SLC28A1: variants seen among roughly 807,000 people sequenced by gnomAD.
The protein encoded by SLC28A1 is sodium/nucleoside cotransporter 1.
Under a neutral mutation model 74.8 loss-of-function variants are expected in SLC28A1, and 64 were observed. That is an observed-to-expected ratio of 0.86 (90% confidence interval 0.70 to 1.05). The LOEUF (loss-of-function observed/expected upper bound fraction) is 1.05, where lower values mean the gene tolerates loss of function less well. SLC28A1 is among the 50% of genes least tolerant of loss of function. SLC28A1 has a pLI of 0.00. For synonymous variants in SLC28A1, 359 were observed against 335.0 expected, an observed-to-expected ratio of 1.07 and a Z score of -0.78; for missense variants, 828 against 822.8, an observed-to-expected ratio of 1.01 and a Z score of -0.08.
the SLC28A1 span, among the ~76,000 whole-genome samples, chr15:84,951,115 C>T: frequency 6.6e-6 from 1 of 152,236 alleles, no homozygotes; most frequent in African/African-American, 2.4e-5. Flanking sequence ...AAGCTTGGAC[C>T]ATGAAGACAA....
In SLC28A1 at chr15:84,904,224, A is replaced by G. The variant is rs750495385; in HGVS notation, c.589A>G (p.Lys197Glu). The change falls in exon 7 of 19, where the codon AAG (lysine) becomes GAG (glutamate). Residue 197 changes from lysine (K) to glutamate (E), a missense_variant. Physicochemically the swap from Lys to Glu is moderately conservative, Grantham distance 56 (BLOSUM62 1). Coordinates refer to ENST00000394573, the MANE Select transcript of SLC28A1 (RefSeq NM_004213.5). ...CGTCGCTCTCCTCTTTGCCTGCTCA[A>G]AGCATCATTGCGCAGTGAGTGCTAG... ...VFVALLFACS[K>E]HHCAVSWRAV... is the part of the protein sequence containing the mutation. 1 of 1,613,988 alleles carries G rather than the reference A, an allele frequency of 6.2e-7. No homozygotes were observed. The highest frequency in any genetic ancestry group is 1.1e-5 in the South Asian group (1 of 91,084).
At chr15:84,959,118 A>G in the SLC28A1 span, among the ~76,000 whole-genome samples, 1 of 148,756 alleles carries the variant, frequency 6.7e-6, no homozygotes, top group Non-Finnish European at 1.5e-5. Flanking sequence ...AAAAAAAAAA[A>G]AAAGAGATGA....
chr15:84,943,893 G>C (rs1342140429), intron 16 of SLC28A1, among the ~76,000 whole-genome samples: 1 of 151,454 alleles, frequency 6.6e-6, no homozygotes, highest in Non-Finnish European at 1.5e-5. Flanking sequence ...TACAGAGCGA[G>C]ACTCTGTCTC....
At chr15:84,885,898 G>A (rs979540390) in intron 1 of SLC28A1, among the ~76,000 whole-genome samples, 6 of 152,120 alleles carry the variant, frequency 3.9e-5, no homozygotes, top group Non-Finnish European at 8.8e-5. Flanking sequence ...GACAGATGAA[G>A]AAAAAATGTT....
rs8187779 is a variant in SLC28A1, at chr15:84,935,342, C to A, written c.1405C>A (p.Arg469=). The change falls in exon 15 of 19, where the codon CGG becomes AGG. Residue 469 remains arginine, a synonymous_variant. Transcript: ENST00000394573. Reference sequence around the variant, plus strand: ...TCAGCTCATCTGCTCCTACATCCTGCGGCCTGTAGCCTTCTTGATGGGTGT... The same window carrying A: ...TCAGCTCATCTGCTCCTACATCCTGAGGCCTGTAGCCTTCTTGATGGGTGT... ...SFQLICSYIL[R]PVAFLMGVAW... is the part of the protein sequence containing the mutation. 2,109 of 1,614,182 alleles carry A rather than the reference C, an allele frequency of 1.3e-3. 21 individuals carry two copies. The African/African-American group carries it at 0.019, about 14-fold the overall frequency.
chr15:84,901,550 G>T (rs1278613806), intron 6 of SLC28A1, among the ~76,000 whole-genome samples: 1 of 151,804 alleles, frequency 6.6e-6, no homozygotes, highest in Non-Finnish European at 1.5e-5. Flanking sequence ...AACAAAAAAA[G>T]GCTCAAGATA....
intron 6 of SLC28A1, among the ~76,000 whole-genome samples, chr15:84,902,145 T>C (rs1464784960): frequency 6.6e-6 from 1 of 152,186 alleles, no homozygotes; most frequent in Non-Finnish European, 1.5e-5. Flanking sequence ...TTATATAAAC[T>C]TCTTTCTTTT....
At chr15:84,917,675 C>T (rs972267020) in intron 9 of SLC28A1, among the ~76,000 whole-genome samples, 1 of 152,192 alleles carries the variant, frequency 6.6e-6, no homozygotes, top group African/African-American at 2.4e-5. Flanking sequence ...AATCAGTCCA[C>T]AGCTGCCCAT....
chr15:84,967,472 C>A, the SLC28A1 span, among the ~76,000 whole-genome samples: 1 of 152,210 alleles, frequency 6.6e-6, no homozygotes, highest in Non-Finnish European at 1.5e-5. Context: ...CATGCTCTGA[C>A]CCTCCCCTCC....
At chr15:84,911,294 A>G (rs1968172928) in intron 9 of SLC28A1, among the ~76,000 whole-genome samples, 1 of 152,170 alleles carries the variant, frequency 6.6e-6, no homozygotes, top group Non-Finnish European at 1.5e-5. Context: ...ACCCTTTAGA[A>G]TCATGGATTC....
chr15:84,945,434 C>T lies in SLC28A1; in HGVS notation c.*234C>T. On this transcript the variant is annotated 3_prime_UTR_variant, in exon 19 of 19. Coordinates refer to ENST00000394573, the MANE Select transcript of SLC28A1 (RefSeq NM_004213.5). The stretch of plus-strand genomic sequence containing the variant: ...CCTGCTCCCCCATTTCCTAACTCCC[C>T]CAGTGTGAATTCTCAGGGTCACTTC... The T allele has an allele frequency of 3.6e-6, 2 of 556,336 alleles. No individual in the cohort carries two copies. The highest frequency in any genetic ancestry group is 1.9e-5 in the African/African-American group (1 of 53,100). 34.5% of individuals were successfully genotyped at this position (556,336 alleles called of 1,614,324 possible).
chr15:84,900,248 T>A (rs922338809), intron 6 of SLC28A1, among the ~76,000 whole-genome samples: 2 of 141,036 alleles, frequency 1.4e-5, no homozygotes, highest in African/African-American at 5.0e-5. Flanking sequence ...AAGAATTGCT[T>A]GAACCTGGGA....
At chr15:84,938,747 C>T (rs1289602374) in intron 15 of SLC28A1, among the ~76,000 whole-genome samples, 1 of 146,916 alleles carries the variant, frequency 6.8e-6, no homozygotes, top group Admixed American at 6.7e-5. Context: ...ATGAAGAAAA[C>T]AACAAGAAAA....
At chr15:84,939,383 A>G (rs982248714) in intron 15 of SLC28A1, among the ~76,000 whole-genome samples, 2 of 144,654 alleles carry the variant, frequency 1.4e-5, no homozygotes, top group Non-Finnish European at 1.6e-5. Context: ...GGAGGGAGGG[A>G]AAAAGACAGC....
chr15:84,928,268 A>C (rs1459061720), intron 12 of SLC28A1, among the ~76,000 whole-genome samples: 1 of 152,032 alleles, frequency 6.6e-6, no homozygotes, highest in African/African-American at 2.4e-5. Flanking sequence ...CCCAGACTAC[A>C]ACTATAGCTG....
the SLC28A1 span, among the ~76,000 whole-genome samples, chr15:84,953,077 C>G: frequency 2.0e-5 from 3 of 152,336 alleles, no homozygotes; most frequent in East Asian, 5.8e-4. Context: ...TCAAAGCATA[C>G]AGCTTTCAAG....
the SLC28A1 span, among the ~76,000 whole-genome samples, chr15:84,962,539 G>T: frequency 6.6e-6 from 1 of 152,132 alleles, no homozygotes; most frequent in Non-Finnish European, 1.5e-5. Context: ...CTGGGCTCGG[G>T]TGATCCTTCC....
intron 5 of SLC28A1, among the ~76,000 whole-genome samples, chr15:84,891,281 T>C (rs73437991): frequency 0.018 from 2,771 of 152,042 alleles, 95 homozygotes; most frequent in African/African-American, 0.065. Context: ...GAGAGGTCCT[T>C]GGGAAGCAAT....
At chr15:84,946,102 A>ATTTT (rs2079208773), downstream of SLC28A1, among the ~76,000 whole-genome samples, 1 of 13,646 alleles carries the variant, frequency 7.3e-5, no homozygotes, top group African/African-American at 2.4e-4. Context: ...ATATATATAT[A>ATTTT]TATATATATA....
Sources: allele counts gnomAD v4.1 joint callset (sites outside exome capture counted in the v4.1 genomes callset), GRCh38; gene constraint gnomAD v4.1.1; transcripts MANE v1.5; gene names NCBI Gene and HGNC (gene_info 2026-07-23, HGNC 2026-07-21).